Variants in ADAM10 observed in about 807,000 individuals in gnomAD.
ADAM10 encodes the protein ADAM metallopeptidase domain 10, also known as disintegrin and metalloproteinase domain-containing protein 10.
In ADAM10, 17 loss-of-function variants were observed where a neutral mutation model predicts 90.1. The ratio of observed to expected loss-of-function variants is 0.19; its 90% CI spans 0.13 to 0.28. The LOEUF is 0.28. ADAM10 is among the 10% of genes least tolerant of loss of function. The probability of loss-of-function intolerance (pLI) is 1.00; values close to 1 mark genes in which losing one functional copy is unlikely to be tolerated. For synonymous variants in ADAM10, 310 were observed against 298.6 expected, an observed-to-expected ratio of 1.04 and a Z score of -0.40; for missense variants, 610 against 914.3, an observed-to-expected ratio of 0.67 and a Z score of 4.29.
At position 58,621,395 on chromosome 15, in the gene ADAM10, C is replaced by T. The variant is rs1203037175; in HGVS notation, c.1511+76G>A. The T allele has an allele frequency of 7.8e-6, 12 of 1,541,682 alleles. No homozygotes were observed. In the East Asian group the frequency reaches 2.4e-4, roughly 30 times the overall value. On this transcript the variant is annotated intron_variant, in intron 11 of 15. Transcript: ENST00000260408. ...TTCAAAACCATATGCATCTCTTAAT[C>T]TCAGTTTTAAATTTGTCATAACTGC...
At chr15:58,628,642 A>G (rs1382471333) in intron 9 of ADAM10, among the ~76,000 whole-genome samples, 40 of 152,190 alleles carry the variant, frequency 2.6e-4, no homozygotes, top group Admixed American at 2.6e-3. Context: ...ACCAGATCCC[A>G]GCAGCCCCTA....
At chr15:58,717,527 A>C in intron 2 of ADAM10, 50 bp downstream of exon 2, 2 of 1,609,194 alleles carry the variant, frequency 1.2e-6, no homozygotes, top group Non-Finnish European at 8.5e-7. Context: ...TCTTTAACTT[A>C]GATTGAATAT....
chr15:58,645,802 T>C (rs1167369412), intron 6 of ADAM10, among the ~76,000 whole-genome samples: 1 of 152,166 alleles, frequency 6.6e-6, no homozygotes, highest in Non-Finnish European at 1.5e-5. Context: ...AATTCAACTC[T>C]CTTTCCAAAG....
intron 15 of ADAM10, among the ~76,000 whole-genome samples, chr15:58,597,868 T>C (rs1894999733): frequency 6.6e-6 from 1 of 152,070 alleles, no homozygotes; most frequent in African/African-American, 2.4e-5. Context: ...AGCCAAAGTG[T>C]TATCATTTCA....
chr15:58,597,824 TTAA>T (rs142822758), intron 15 of ADAM10, among the ~76,000 whole-genome samples, 183 bp from the exon 16 acceptor site: 1,610 of 152,146 alleles, frequency 0.011, 28 homozygotes, highest in African/African-American at 0.03. Context: ...TGAAATAATT[TTAA>T]TAATATTTTT....
Position 58,627,717 on chromosome 15 carries a change from CTCT to C in ADAM10, c.1340_1342del (p.Lys447del), listed in dbSNP as rs1566972356. The C allele has an allele frequency of 4.3e-6, 7 of 1,612,878 alleles. No individual in the cohort carries two copies. The highest frequency in any genetic ancestry group is 2.2e-5 in the South Asian group (2 of 91,046). On this transcript the variant is annotated inframe_deletion, in exon 10 of 16. Coordinates refer to ENST00000260408, the MANE Select transcript of ADAM10 (RefSeq NM_001110.4). ...ATACATACCAACAAAACAGTTGTTTCTCTTCTTCTCAAGAACTTGGCTTATATT... is the reference window on the plus strand; with the variant it reads ...ATACATACCAACAAAACAGTTGTTTCTCTTCTCAAGAACTTGGCTTATATT...
intron 2 of ADAM10, chr15:58,692,409 C>A (rs1305868607): frequency 2.1e-5 from 12 of 564,498 alleles, no homozygotes; most frequent in Non-Finnish European, 3.6e-5. Flanking sequence ...TTGTTTTCTT[C>A]TTATTATTCT....
intron 3 of ADAM10, among the ~76,000 whole-genome samples, chr15:58,681,177 T>A (rs1897430889): frequency 6.6e-6 from 1 of 151,950 alleles, no homozygotes. Context: ...TCTCATCACC[T>A]AGCGAAAAAG....
chr15:58,692,995 C>T (rs758023502), intron 2 of ADAM10: 1 of 780,998 alleles, frequency 1.3e-6, no homozygotes, highest in Non-Finnish European at 2.3e-6. Context: ...CAGTTCTTTA[C>T]CACCGTCCAA....
intron 2 of ADAM10, among the ~76,000 whole-genome samples, chr15:58,709,097 T>C (rs1208731331): frequency 2.0e-5 from 3 of 152,150 alleles, no homozygotes; most frequent in Non-Finnish European, 4.4e-5. Flanking sequence ...AAACTAAACA[T>C]ATTCAACACA....
At chr15:58,642,059 G>A (rs1359089585) in intron 7 of ADAM10, among the ~76,000 whole-genome samples, 1 of 152,184 alleles carries the variant, frequency 6.6e-6, no homozygotes, top group Non-Finnish European at 1.5e-5. Context: ...TCAAAAGCAA[G>A]CACACTGTAT....
chr15:58,670,307 A>G (rs1897165458), intron 4 of ADAM10, among the ~76,000 whole-genome samples: 1 of 152,128 alleles, frequency 6.6e-6, no homozygotes, highest in Non-Finnish European at 1.5e-5. Context: ...GTGTAAGAGT[A>G]TAAATCTGTG....
intron 4 of ADAM10, among the ~76,000 whole-genome samples, chr15:58,670,480 A>G (rs1163348005): frequency 1.3e-5 from 2 of 152,166 alleles, no homozygotes; most frequent in Non-Finnish European, 2.9e-5. Context: ...AAAAAAGAGG[A>G]AACAATCTAT....
At chr15:58,674,536 T>C (rs1467252428) in intron 4 of ADAM10, among the ~76,000 whole-genome samples, 1 of 152,236 alleles carries the variant, frequency 6.6e-6, no homozygotes, top group Non-Finnish European at 1.5e-5. Context: ...ATGTGAATGA[T>C]ACAAACAATG....
At chr15:58,700,102 T>A (rs1898088791) in intron 2 of ADAM10, among the ~76,000 whole-genome samples, 1 of 152,124 alleles carries the variant, frequency 6.6e-6, no homozygotes, top group South Asian at 2.1e-4. Flanking sequence ...AATGCAAATA[T>A]TATTAGATCT....
chr15:58,615,629 C>A lies in ADAM10; in HGVS notation c.1512-3638G>T, dbSNP rs146268556. 4.0e-3 allele frequency among the ~76,000 whole-genome samples: 601 copies of A among 152,132 alleles called. 5 individuals carry two copies. Among genetic ancestry groups the A allele is most frequent in the African/African-American group, 0.014 (566 of 41,482 alleles). On this transcript the variant is annotated intron_variant, in intron 11 of 15. Coordinates refer to ENST00000260408, the MANE Select transcript of ADAM10 (RefSeq NM_001110.4). ...CATATATAGACTAAAAGTAAAGGAA[C>A]AGAAGAAGATATTTCACTCAACCAG...
intron 14 of ADAM10, among the ~76,000 whole-genome samples, chr15:58,603,509 T>G (rs1397898491): frequency 3.3e-5 from 5 of 152,186 alleles, no homozygotes; most frequent in Non-Finnish European, 7.3e-5. Context: ...GATGGGCAAG[T>G]TGGGTACAGG....
At chr15:58,707,319 G>A (rs1210210783) in intron 2 of ADAM10, 6 of 151,938 alleles carry the variant, frequency 3.9e-5, no homozygotes, top group African/African-American at 1.5e-4. Flanking sequence ...GGGAGGTGGA[G>A]GCTGCAGTGA....
intron 2 of ADAM10, among the ~76,000 whole-genome samples, chr15:58,695,770 CAGG>C (rs1897960723): frequency 6.6e-6 from 1 of 152,020 alleles, no homozygotes; most frequent in Non-Finnish European, 1.5e-5. Flanking sequence ...TATTTGAGGT[CAGG>C]AGTTCAAGAT....
Sources: gnomAD v4.1 joint callset for allele counts (sites outside exome capture counted in the v4.1 genomes callset) on GRCh38, gnomAD v4.1.1 for gene constraint, MANE v1.5 for transcripts, NCBI Gene and HGNC (gene_info 2026-07-23, HGNC 2026-07-21) for gene names.